GPD2: variants seen among roughly 807,000 people sequenced by gnomAD.
GPD2 encodes the protein glycerol-3-phosphate dehydrogenase 2.
A neutral mutation model predicts 82.4 loss-of-function variants in GPD2; 54 were observed. The observed-to-expected ratio is 0.66, with a 90% CI of 0.53 to 0.82. The LOEUF is 0.82. GPD2 is among the 40% of genes least tolerant of loss of function. The probability of loss-of-function intolerance (pLI) is 0.00; values close to 1 mark genes in which losing one functional copy is unlikely to be tolerated. For missense variants in GPD2, 748 were observed against 896.2 expected (o/e 0.83, Z 2.11); for synonymous variants, 288 against 306.1 (o/e 0.94, Z 0.62).
At chr2:156,565,527 G>A (rs901468645) in intron 9 of GPD2, among the ~76,000 whole-genome samples, 1 of 152,120 alleles carries the variant, frequency 6.6e-6, no homozygotes, top group Non-Finnish European at 1.5e-5. Context: ...TTGAGATCCT[G>A]TATTGTCTCC....
At chr2:156,427,472 A>G in the GPD2 span, among the ~76,000 whole-genome samples, 1 of 152,212 alleles carries the variant, frequency 6.6e-6, no homozygotes, top group Admixed American at 6.5e-5. Flanking sequence ...AAAAAGTACA[A>G]AATAAAATGG....
At chr2:156,450,687 C>T (rs298237) in intron 1 of GPD2, among the ~76,000 whole-genome samples, 55 of 90,722 alleles carry the variant, frequency 6.1e-4, no homozygotes, top group Middle Eastern at 0.013. Flanking sequence ...TTTTTTATTG[C>T]TCATTCTTGG....
At chr2:156,475,959 T>C (rs1683495829) in intron 1 of GPD2, 139 bp from the exon 2 acceptor site, 1 of 625,658 alleles carries the variant, frequency 1.6e-6, no homozygotes, top group African/African-American at 1.8e-5. Context: ...TACACATTGG[T>C]TTGTTAGTAA....
chr2:156,530,798 A>G (rs1462374655), intron 6 of GPD2, among the ~76,000 whole-genome samples: 1 of 152,164 alleles, frequency 6.6e-6, no homozygotes, highest in Non-Finnish European at 1.5e-5. Context: ...ATCATGGTGG[A>G]TAAGCTTTTC....
chr2:156,570,259 G>T (rs1025431575), intron 12 of GPD2, 41 bp downstream of exon 12: 2 of 1,572,284 alleles, frequency 1.3e-6, no homozygotes, highest in South Asian at 2.2e-5. Context: ...TCTGCCATGG[G>T]ATACCATTTA....
intron 6 of GPD2, among the ~76,000 whole-genome samples, chr2:156,523,690 A>ATAGG (rs768356155): frequency 6.6e-6 from 1 of 150,858 alleles, no homozygotes; most frequent in Non-Finnish European, 1.5e-5. Flanking sequence ...AGATAGATAG[A>ATAGG]TAGATAGATA....
At chr2:156,545,723 A>T (rs1486762236) in intron 6 of GPD2, among the ~76,000 whole-genome samples, 2 of 152,190 alleles carry the variant, frequency 1.3e-5, no homozygotes, top group African/African-American at 4.8e-5. Flanking sequence ...AGGTAGTTTT[A>T]TACCTGTGTT....
intron 1 of GPD2, among the ~76,000 whole-genome samples, chr2:156,451,829 G>C (rs1682607134): frequency 6.6e-6 from 1 of 151,866 alleles, no homozygotes; most frequent in Admixed American, 6.5e-5. Context: ...GCCAGGCGGA[G>C]GGGCTCCTCA....
chr2:156,402,664 A>ATTTG, the GPD2 span, among the ~76,000 whole-genome samples: 6 of 151,842 alleles, frequency 4.0e-5, no homozygotes, highest in South Asian at 8.3e-4. Flanking sequence ...TTATTTATTT[A>ATTTG]TTTGTTTGTT....
At chr2:156,573,288 A>T (rs907536827) in intron 13 of GPD2, among the ~76,000 whole-genome samples, 2 of 152,168 alleles carry the variant, frequency 1.3e-5, no homozygotes, top group East Asian at 3.8e-4. Flanking sequence ...TAAAGCAGGG[A>T]TTGAAACCAG....
chr2:156,576,311 A>G (rs1687819293), intron 13 of GPD2, among the ~76,000 whole-genome samples: 1 of 152,204 alleles, frequency 6.6e-6, no homozygotes, highest in Non-Finnish European at 1.5e-5. Flanking sequence ...TGTTCTGATA[A>G]TTGTATTGTA....
chr2:156,566,564 G>A (rs75880711), intron 9 of GPD2, among the ~76,000 whole-genome samples: 4,767 of 152,122 alleles, frequency 0.031, 256 homozygotes, highest in African/African-American at 0.11. Flanking sequence ...TCCTTTTTAA[G>A]GCTAGATAAT....
intron 1 of GPD2, among the ~76,000 whole-genome samples, chr2:156,444,883 A>G (rs1258470902): frequency 1.3e-5 from 2 of 152,180 alleles, no homozygotes; most frequent in African/African-American, 4.8e-5. Flanking sequence ...CTGAGTAGCT[A>G]GAATGACAGG....
chr2:156,461,890 G>A (rs1050560780), intron 1 of GPD2, among the ~76,000 whole-genome samples: 8 of 152,176 alleles, frequency 5.3e-5, no homozygotes, highest in Non-Finnish European at 1.0e-4. Flanking sequence ...CTGAACCAAT[G>A]CTCCTCCTCC....
intron 1 of GPD2, among the ~76,000 whole-genome samples, chr2:156,437,434 A>C (rs549037840): frequency 5.3e-5 from 8 of 152,264 alleles, no homozygotes; most frequent in Admixed American, 5.2e-4. Context: ...TCCCAGTCCT[A>C]CAGTTCTTGC....
the GPD2 span, among the ~76,000 whole-genome samples, chr2:156,421,492 G>A: frequency 6.6e-6 from 1 of 152,118 alleles, no homozygotes. Context: ...ATTCTGTCTG[G>A]TATGTGGATC....
intron 1 of GPD2, among the ~76,000 whole-genome samples, chr2:156,471,827 T>A (rs1683340649): frequency 6.6e-6 from 1 of 152,262 alleles, no homozygotes. Flanking sequence ...ACTTTGATAT[T>A]TAATCCTACA....
chr2:156,449,056 GTCT>G (rs1258703500), intron 1 of GPD2, among the ~76,000 whole-genome samples: 17 of 152,194 alleles, frequency 1.1e-4, no homozygotes, highest in African/African-American at 3.6e-4. Flanking sequence ...AAATCACCCT[GTCT>G]TCTTCTTACA....
the GPD2 span, among the ~76,000 whole-genome samples, chr2:156,405,876 AG>A: frequency 6.6e-6 from 1 of 152,206 alleles, no homozygotes; most frequent in Non-Finnish European, 1.5e-5. Context: ...TGCGACAGGC[AG>A]GGGTTGTAAG....
Sources: gnomAD v4.1 joint callset for allele counts (sites outside exome capture counted in the v4.1 genomes callset) on GRCh38, gnomAD v4.1.1 for gene constraint, MANE v1.5 for transcripts, NCBI Gene and HGNC (gene_info 2026-07-23, HGNC 2026-07-21) for gene names.